The following CEP85L variants were observed in gnomAD, a reference collection of about 807,000 sequenced individuals.
CEP85L encodes centrosomal protein of 85 kDa-like.
A neutral mutation model predicts 100.3 loss-of-function variants in CEP85L; 60 were observed. The ratio of observed to expected loss-of-function variants is 0.60; its 90% CI spans 0.49 to 0.74. CEP85L has a LOEUF of 0.74. CEP85L is among the 30% of genes least tolerant of loss of function. CEP85L has a pLI of 0.00. For synonymous variants in CEP85L, 319 were observed against 322.7 expected, an observed-to-expected ratio of 0.99 and a Z score of 0.12; for missense variants, 973 against 936.2, an observed-to-expected ratio of 1.04 and a Z score of -0.51.
rs990318046 is a variant in CEP85L at position 118,660,079 on chromosome 6, G to A, written c.-27-7271C>T. On this transcript the variant is annotated intron_variant, in intron 1 of 13. Coordinates refer to the CEP85L transcript ENST00000368488. ...GATGAGAGTGTGTCTCCTTGTTTTC[G>A]TGGCAGAGGTAGCTATCACCCCTTA... Among the ~76,000 whole-genome samples, 5 of 152,252 alleles carry A rather than the reference G, an allele frequency of 3.3e-5. No individual in the cohort carries two copies. The East Asian group carries it at 9.7e-4, about 29-fold the overall frequency.
intron 2 of CEP85L, among the ~76,000 whole-genome samples, chr6:118,580,788 C>A (rs1051413208): frequency 6.6e-6 from 1 of 152,230 alleles, no homozygotes; most frequent in African/African-American, 2.4e-5. Context: ...AACTTTCCTT[C>A]CTTTTCTATC....
chr6:118,678,514 C>G (rs1469660197), intron 1 of CEP85L, among the ~76,000 whole-genome samples: 6 of 152,198 alleles, frequency 3.9e-5, no homozygotes, highest in African/African-American at 1.4e-4. Context: ...TTCCTTGACT[C>G]TCTGCATTTA....
intron 4 of CEP85L, among the ~76,000 whole-genome samples, chr6:118,521,592 C>A (rs1043192669): frequency 6.6e-6 from 1 of 152,158 alleles, no homozygotes; most frequent in Non-Finnish European, 1.5e-5. Flanking sequence ...CACTACTGGT[C>A]TAGTGACTAA....
chr6:118,554,652 T>A (rs1469426919), intron 3 of CEP85L, among the ~76,000 whole-genome samples: 1 of 152,192 alleles, frequency 6.6e-6, no homozygotes, highest in African/African-American at 2.4e-5. Flanking sequence ...CTGACAGATA[T>A]CCTCATATAG....
chr6:118,668,431 A>G lies in CEP85L; in HGVS notation c.-27-15623T>C, dbSNP rs1335105540. ...GAGATGCTCTTTTGTTTAATAAAGT[A>G]TGCCTTCAATTAAAAGCATTACTGA... On this transcript the variant is annotated intron_variant, in intron 1 of 13. Coordinates refer to the CEP85L transcript ENST00000368488. 2.6e-5 allele frequency among the ~76,000 whole-genome samples: 4 copies of G among 152,214 alleles called. No homozygotes were observed. The South Asian group carries it at 8.3e-4, about 32-fold the overall frequency.
At chr6:118,652,826 C>A, upstream of CEP85L, 1 of 1,066,124 alleles carries the variant, frequency 9.4e-7, no homozygotes, top group Non-Finnish European at 1.4e-6. Flanking sequence ...TAAAAAGATA[C>A]AGAAACATGA....
At chr6:118,682,898 G>T (rs538356839) in intron 1 of CEP85L, among the ~76,000 whole-genome samples, 76 of 152,124 alleles carry the variant, frequency 5.0e-4, no homozygotes, top group African/African-American at 1.7e-3. Context: ...TGTGTCTAGA[G>T]CTTGGATCTA....
intron 5 of CEP85L, among the ~76,000 whole-genome samples, chr6:118,509,117 T>C (rs1775823547): frequency 6.6e-6 from 1 of 152,136 alleles, no homozygotes; most frequent in Non-Finnish European, 1.5e-5. Context: ...TACTAATATT[T>C]TTAACAACCC....
chr6:118,593,040 A>G (rs1009820260), intron 2 of CEP85L, among the ~76,000 whole-genome samples: 2 of 152,246 alleles, frequency 1.3e-5, no homozygotes, highest in African/African-American at 2.4e-5. Flanking sequence ...GAAACCATTC[A>G]GCAAAGTAAA....
At chr6:118,519,043 G>C (rs1776453555) in intron 4 of CEP85L, among the ~76,000 whole-genome samples, 1 of 152,036 alleles carries the variant, frequency 6.6e-6, no homozygotes, top group Non-Finnish European at 1.5e-5. Context: ...GTGTGGTTTT[G>C]AGTGAGTTTC....
intron 2 of CEP85L, among the ~76,000 whole-genome samples, chr6:118,613,705 C>A (rs963658535): frequency 3.4e-5 from 5 of 146,218 alleles, no homozygotes; most frequent in African/African-American, 1.3e-4. Context: ...TGTGGTGACC[C>A]GAGATCGCAC....
chr6:118,535,095 G>A (rs1276603931), intron 3 of CEP85L, among the ~76,000 whole-genome samples: 1 of 151,878 alleles, frequency 6.6e-6, no homozygotes, highest in Non-Finnish European at 1.5e-5. Context: ...AGAACCATAG[G>A]CAAATGTTTA....
At position 118,707,833 on chromosome 6, in the gene CEP85L, A is replaced by G. The variant is rs74455018; in HGVS notation, c.-28+2203T>C. On this transcript the variant is annotated intron_variant, in intron 1 of 13. Coordinates refer to the CEP85L transcript ENST00000368488. ...TCTGAACCAATGAACATATATAAAG[A>G]TACTCAAGCTCACTTATAGCCAGGA... 5.3e-3 allele frequency among the ~76,000 whole-genome samples: 803 copies of G among 152,366 alleles called. 6 individuals carry two copies. Among genetic ancestry groups the G allele is most frequent in the African/African-American group, 0.018 (743 of 41,592 alleles).
chr6:118,624,099 T>A (rs1773626787), intron 2 of CEP85L, among the ~76,000 whole-genome samples: 1 of 152,172 alleles, frequency 6.6e-6, no homozygotes, highest in African/African-American at 2.4e-5. Context: ...GTGACCCACT[T>A]GAGGCCCTGC....
At chr6:118,701,480 G>C (rs1264781779) in intron 1 of CEP85L, among the ~76,000 whole-genome samples, 3 of 152,148 alleles carry the variant, frequency 2.0e-5, no homozygotes, top group Non-Finnish European at 2.9e-5. Flanking sequence ...GCAGCAACAT[G>C]GATGCAGTTT....
intron 3 of CEP85L, chr6:118,559,326 T>C (rs1272156836): frequency 1.2e-5 from 6 of 481,836 alleles, no homozygotes; most frequent in African/African-American, 9.8e-5. Flanking sequence ...AATGCAACTG[T>C]TGATTTCCTC....
chr6:118,476,137 C>T (rs187400862), intron 10 of CEP85L, among the ~76,000 whole-genome samples: 9 of 152,134 alleles, frequency 5.9e-5, no homozygotes, highest in Non-Finnish European at 7.4e-5. Context: ...AACTCCCCCC[C>T]GCGACATAAC....
intron 1 of CEP85L, among the ~76,000 whole-genome samples, chr6:118,647,663 A>G (rs1006453027): frequency 6.6e-6 from 1 of 152,290 alleles, no homozygotes; most frequent in South Asian, 2.1e-4. Context: ...CGCCTGGCTT[A>G]TGTTAGTATT....
Position 118,565,826 on chromosome 6 carries a change from T to G in CEP85L, c.723A>C (p.Arg241Ser), listed in dbSNP as rs779389767. Residue 241 changes from arginine (R) to serine (S), a missense_variant, in exon 3 of 13, where the codon AGA becomes AGC. Physicochemically the swap from Arg to Ser is moderately radical, Grantham distance 110. Around this residue, in one of 3 missense-constraint regions of CEP85L, gnomAD observed 890 missense variants for 844.5 expected, o/e 1.05. Transcript: ENST00000368491. Reference sequence around the variant, plus strand: ...GTCTCCTAAGAGTAGAGGAAGAGGCTCTAAAGTCCTCCTTGCTACAGCTCT... The same window carrying G: ...GTCTCCTAAGAGTAGAGGAAGAGGCGCTAAAGTCCTCCTTGCTACAGCTCT... ...KFESCSKEDF[R>S]ASSSTLRRQP... is the part of the protein sequence containing the mutation. 3.1e-5 allele frequency: 50 copies of G among 1,613,996 alleles called. No individual in the cohort carries two copies. The South Asian group carries it at 5.5e-4, about 18-fold the overall frequency.
Sources: gnomAD v4.1 joint callset for allele counts (sites outside exome capture counted in the v4.1 genomes callset) on GRCh38, gnomAD v4.1.1 for gene constraint, gnomAD v4.1.1 regional missense constraint, MANE v1.5 for transcripts, NCBI Gene and HGNC (gene_info 2026-07-23, HGNC 2026-07-21) for gene names.